BTNL8: variants seen among roughly 807,000 people sequenced by gnomAD.
BTNL8 encodes the protein butyrophilin like 8.
In BTNL8, 22 loss-of-function variants were observed where a neutral mutation model predicts 36.1. That is an observed-to-expected ratio of 0.61 (90% CI 0.44 to 0.87). The LOEUF is 0.87. BTNL8 is among the 40% of genes least tolerant of loss of function. BTNL8 has a pLI of 0.00. For synonymous variants in BTNL8, 203 were observed against 235.6 expected (o/e 0.86, Z 1.27); for missense variants, 526 against 616.9 (o/e 0.85, Z 1.56).
intron 3 of BTNL8, among the ~76,000 whole-genome samples, chr5:180,940,646 C>T (rs891054197): frequency 2.0e-5 from 3 of 151,646 alleles, no homozygotes; most frequent in Non-Finnish European, 4.4e-5. Flanking sequence ...AATTGACAAA[C>T]CCTTAGCTGG....
At chr5:180,922,724 G>C (rs1757924608) in intron 3 of BTNL8, among the ~76,000 whole-genome samples, 1 of 151,462 alleles carries the variant, frequency 6.6e-6, no homozygotes, top group Non-Finnish European at 1.5e-5. Context: ...GATCCAGTGT[G>C]AGTTCAGGTC....
At chr5:180,947,793 C>T in intron 4 of BTNL8, 168 bp downstream of exon 4, 1 of 1,599,938 alleles carries the variant, frequency 6.3e-7, no homozygotes, top group South Asian at 1.1e-5. Flanking sequence ...ACATCTCTTC[C>T]TCTGGAAATA....
chr5:180,911,554 T>G lies in BTNL8; in HGVS notation c.613T>G (p.Ser205Ala). The change falls in exon 3 of 8, where the codon TCC becomes GCC. Residue 205 changes from serine to alanine, a missense_variant. Physicochemically the swap from Ser to Ala is moderately conservative, Grantham distance 99. Coordinates refer to ENST00000340184, the MANE Select transcript of BTNL8 (RefSeq NM_001040462.3). ...CGTCCAAGAGAACGCCGGGAGCATA[T>G]CCTGTTCCATGCGGCATGCTCATCT... ...LTVQENAGSI[S>A]CSMRHAHLSR... The G allele has an allele frequency of 6.2e-7, 1 of 1,614,034 alleles. No individual in the cohort carries two copies. The highest frequency in any genetic ancestry group is 8.5e-7 in the Non-Finnish European group (1 of 1,179,990).
chr5:180,921,762 A>C (rs1757875587), intron 3 of BTNL8, among the ~76,000 whole-genome samples: 1 of 151,950 alleles, frequency 6.6e-6, no homozygotes, highest in African/African-American at 2.4e-5. Context: ...GAGATGATGG[A>C]TATGTCTATA....
chr5:180,932,439 C>T (rs181012417), intron 3 of BTNL8, among the ~76,000 whole-genome samples: 23 of 152,298 alleles, frequency 1.5e-4, no homozygotes, highest in African/African-American at 3.6e-4. Context: ...CTCCCCCTCC[C>T]GGGTTGACGC....
At chr5:180,909,489 T>A (rs1027798597) in intron 2 of BTNL8, 1 of 967,456 alleles carries the variant, frequency 1.0e-6, no homozygotes, top group African/African-American at 1.8e-5. Flanking sequence ...GGAGCAAACG[T>A]CAGCTCCAGG....
At chr5:180,926,254 A>T (rs1390007033) in intron 3 of BTNL8, among the ~76,000 whole-genome samples, 3 of 152,190 alleles carry the variant, frequency 2.0e-5, no homozygotes, top group Non-Finnish European at 4.4e-5. Context: ...CCAAGGGAAG[A>T]TGTGAGGGAC....
Position 180,948,048 on chromosome 5 carries a change from T to G in BTNL8, c.788-307T>G, listed in dbSNP as rs1213943070. 1.1e-5 allele frequency: 7 copies of G among 638,940 alleles called. No individual in the cohort carries two copies. The South Asian group carries it at 1.4e-4, about 13-fold the overall frequency. 39.6% of individuals were successfully genotyped at this position (638,940 alleles called of 1,614,324 possible). A position where few individuals can be genotyped will look rare whatever the true frequency, so the allele number is the denominator to read the frequency against. ...AAACCAATTTCCTCCTCCTTGGGAG[T>G]GACACTTCCCCTTGGGGGTGAGGCC... is the stretch of plus-strand genomic sequence containing the variant. On this transcript the variant is annotated intron_variant, in intron 4 of 7. Coordinates refer to ENST00000340184, the MANE Select transcript of BTNL8 (RefSeq NM_001040462.3).
chr5:180,909,067 C>T (rs1757261817), intron 2 of BTNL8, 134 bp downstream of exon 2: 1 of 884,070 alleles, frequency 1.1e-6, no homozygotes, highest in African/African-American at 1.7e-5. Flanking sequence ...TACGTTCCTT[C>T]TGTCTTGTGT....
intron 2 of BTNL8, 54 bp from the exon 3 acceptor site, chr5:180,911,285 C>T (rs1313214362): frequency 6.3e-7 from 1 of 1,592,662 alleles, no homozygotes; most frequent in South Asian, 1.1e-5. Context: ...CTCAGAATTG[C>T]TGTGGCTTTG....
At chr5:180,949,318 A>G in intron 7 of BTNL8, 53 bp downstream of exon 7, 1 of 1,459,994 alleles carries the variant, frequency 6.8e-7, no homozygotes, top group Non-Finnish European at 9.5e-7. Flanking sequence ...TGGACATGAG[A>G]GGGGGAACTG....
intron 3 of BTNL8, among the ~76,000 whole-genome samples, chr5:180,943,515 C>G (rs1759087928): frequency 6.6e-6 from 1 of 152,110 alleles, no homozygotes; most frequent in Non-Finnish European, 1.5e-5. Flanking sequence ...TATCACTAGT[C>G]ATCAGGGAAA....
rs778088974 is a variant in BTNL8, at chr5:180,950,232, C to A, written c.1191C>A (p.Ser397Arg). ...LYFTLNPRFI[S>R]VFPRTPPTKI... ...TCACATTAAATCCCCGTTTTATCAG[C>A]GTCTTCCCCAGGACCCCACCTACAA... The change falls in exon 8 of 8, where the codon AGC becomes AGA. Residue 397 changes from serine (S) to arginine (R), a missense_variant. Ser to Arg is a moderately radical substitution (Grantham distance 110). This residue lies in a region of BTNL8 where 176 missense variants were observed against 292.3 expected (regional missense o/e 0.60). Transcript: ENST00000340184. 2.0e-6 allele frequency: 3 copies of A among 1,463,422 alleles called. No homozygotes were observed. Among genetic ancestry groups the A allele is most frequent in the Non-Finnish European group, 2.8e-6 (3 of 1,058,986 alleles). 90.7% of individuals were successfully genotyped at this position (1,463,422 alleles called of 1,614,324 possible).
intron 3 of BTNL8, among the ~76,000 whole-genome samples, chr5:180,941,699 T>C (rs540046589): frequency 1.8e-4 from 28 of 152,152 alleles, no homozygotes; most frequent in African/African-American, 6.3e-4. Flanking sequence ...CCAAAAAGTA[T>C]ATGATCATCT....
At chr5:180,900,526 A>C (rs1248656524) in intron 1 of BTNL8, among the ~76,000 whole-genome samples, 1 of 152,232 alleles carries the variant, frequency 6.6e-6, no homozygotes, top group Non-Finnish European at 1.5e-5. Context: ...GAGAGGTGAC[A>C]GCAGCAAGGG....
chr5:180,921,520 C>G (rs539305388), intron 3 of BTNL8, among the ~76,000 whole-genome samples: 1 of 151,992 alleles, frequency 6.6e-6, no homozygotes, highest in South Asian at 2.1e-4. Flanking sequence ...AGGTGATATT[C>G]AAAAGGTATA....
chr5:180,914,334 A>G (rs1031081047), intron 3 of BTNL8, among the ~76,000 whole-genome samples: 2 of 152,212 alleles, frequency 1.3e-5, no homozygotes, highest in African/African-American at 4.8e-5. Flanking sequence ...GACAGTCCTC[A>G]TCAGATGCCA....
chr5:180,948,084 C>T, intron 4 of BTNL8: 2 of 639,356 alleles, frequency 3.1e-6, no homozygotes, highest in Admixed American at 3.2e-5. Flanking sequence ...ACCCCCGCCT[C>T]CCCTCCCAGC....
At chr5:180,926,572 G>A (rs1482517202) in intron 3 of BTNL8, among the ~76,000 whole-genome samples, 3 of 152,190 alleles carry the variant, frequency 2.0e-5, no homozygotes, top group Admixed American at 6.5e-5. Flanking sequence ...TGATCCAAGG[G>A]CTTGAAATTC....
Sources: gnomAD v4.1 joint callset for allele counts (sites outside exome capture counted in the v4.1 genomes callset) on GRCh38, gnomAD v4.1.1 for gene constraint, gnomAD v4.1.1 regional missense constraint, MANE v1.5 for transcripts, NCBI Gene and HGNC (gene_info 2026-07-23, HGNC 2026-07-21) for gene names.